Variants in TRIM71 observed in about 807,000 individuals in gnomAD.
TRIM71 encodes the protein E3 ubiquitin-protein ligase TRIM71.
TRIM71 carries 9 observed loss-of-function variants against 61.2 expected under a neutral mutation model. The observed-to-expected ratio is 0.15, with a 90% CI of 0.09 to 0.26. The LOEUF (loss-of-function observed/expected upper bound fraction) is 0.26. TRIM71 is among the 10% of genes least tolerant of loss of function. The pLI, the probability that TRIM71 is intolerant of heterozygous loss-of-function variation, is 1.00. For missense variants in TRIM71, 998 were observed against 1,238.7 expected, an observed-to-expected ratio of 0.81 and a Z score of 2.92; for synonymous variants, 645 against 553.2, an observed-to-expected ratio of 1.17 and a Z score of -2.33.
At chr3:32,831,177 A>AGG (rs1336481109) in intron 1 of TRIM71, among the ~76,000 whole-genome samples, 1 of 152,132 alleles carries the variant, frequency 6.6e-6, no homozygotes, top group East Asian at 1.9e-4. Context: ...TGGAGATGAA[A>AGG]GGGGAAGAGT....
At chr3:32,828,430 G>A (rs13078069) in intron 1 of TRIM71, among the ~76,000 whole-genome samples, 31,659 of 151,512 alleles carry the variant, frequency 0.21, 3,290 homozygotes, top group Middle Eastern at 0.31. Flanking sequence ...AACTCTTTGC[G>A]GTGTTGTAAG....
Position 32,891,784 on chromosome 3 carries a change from T to C in TRIM71, c.2580T>C (p.Phe860=), listed in dbSNP as rs760259970. Residue 860 remains phenylalanine (F), a synonymous_variant, in exon 4 of 4, where the codon TTT becomes TTC. Coordinates refer to ENST00000383763, the MANE Select transcript of TRIM71 (RefSeq NM_001039111.3). This position sits in a 1 kb window ranked among gnomAD's most constrained non-coding sequence, Gnocchi z 8.2. ...ACGGAATGATCGTTGTGGTGGACTT[T>C]GGCAACAATCGAATCCTCGTCTTCT... ...TPDGMIVVVD[F]GNNRILVF 1.1e-5 allele frequency: 17 copies of C among 1,614,072 alleles called. No homozygotes were observed. The highest frequency in any genetic ancestry group is 6.7e-5 in the East Asian group (3 of 44,884).
At chr3:32,889,886 A>ATGTG (rs531388047) in intron 3 of TRIM71, among the ~76,000 whole-genome samples, 26 of 144,770 alleles carry the variant, frequency 1.8e-4, no homozygotes, top group African/African-American at 5.3e-4. Flanking sequence ...GCGTGCGTGT[A>ATGTG]TGTGTGTGTG....
intron 1 of TRIM71, among the ~76,000 whole-genome samples, chr3:32,856,989 C>CT (rs1333938177): frequency 1.3e-5 from 2 of 152,118 alleles, no homozygotes; most frequent in Admixed American, 6.5e-5. Flanking sequence ...TCCAAAATTG[C>CT]TGGAGAAGGA....
At position 32,843,815 on chromosome 3, in the gene TRIM71, A is replaced by G. The variant is rs138382884; in HGVS notation, c.852+24883A>G. ...TTTCCTGTCGTGCTGCTTTCTGGGA[A>G]GGTGCAGAGCCGGCCCAGAAAGCAA... On this transcript the variant is annotated intron_variant, in intron 1 of 3. Coordinates refer to ENST00000383763, the MANE Select transcript of TRIM71 (RefSeq NM_001039111.3). 3.3e-4 allele frequency among the ~76,000 whole-genome samples: 50 copies of G among 152,268 alleles called. 1 individual carries two copies. In the East Asian group the frequency reaches 8.5e-3, roughly 26 times the overall value.
intron 1 of TRIM71, among the ~76,000 whole-genome samples, chr3:32,852,006 CTA>C (rs1340494586): frequency 1.3e-5 from 2 of 152,196 alleles, no homozygotes; most frequent in African/African-American, 4.8e-5. Context: ...TTGGGAACAA[CTA>C]TTCAGGAGAG....
chr3:32,824,268 C>G (rs1696175222), intron 1 of TRIM71, among the ~76,000 whole-genome samples: 1 of 151,954 alleles, frequency 6.6e-6, no homozygotes, highest in South Asian at 2.1e-4. Context: ...ACCTCCACCT[C>G]ACGGGTTCAA....
chr3:32,877,841 A>G (rs767614527), intron 2 of TRIM71, among the ~76,000 whole-genome samples: 6 of 152,128 alleles, frequency 3.9e-5, no homozygotes, highest in Non-Finnish European at 7.4e-5. Flanking sequence ...AACCCTAATC[A>G]GTGACCTTGA....
chr3:32,863,726 G>C (rs562681322), intron 1 of TRIM71, among the ~76,000 whole-genome samples: 1 of 152,110 alleles, frequency 6.6e-6, no homozygotes, highest in South Asian at 2.1e-4. Context: ...CTGTCACCCA[G>C]GCTGGAGTGC....
At chr3:32,857,652 G>A (rs1302640092) in intron 1 of TRIM71, among the ~76,000 whole-genome samples, 3 of 152,142 alleles carry the variant, frequency 2.0e-5, no homozygotes, top group Non-Finnish European at 2.9e-5. Context: ...CTTCAATAAA[G>A]TAAGATAGAA....
chr3:32,825,611 C>A (rs893993528), intron 1 of TRIM71, among the ~76,000 whole-genome samples: 1 of 152,126 alleles, frequency 6.6e-6, no homozygotes, highest in East Asian at 1.9e-4. Context: ...CCCCCTTCTC[C>A]CACTCCCACC....
chr3:32,856,350 G>A (rs1281434902), intron 1 of TRIM71, among the ~76,000 whole-genome samples: 2 of 151,836 alleles, frequency 1.3e-5, no homozygotes, highest in African/African-American at 4.8e-5. Flanking sequence ...AACTTTCACC[G>A]CTCCCCTGCC....
intron 1 of TRIM71, among the ~76,000 whole-genome samples, chr3:32,859,963 A>G (rs1043939408): frequency 6.6e-6 from 1 of 152,082 alleles, no homozygotes; most frequent in Non-Finnish European, 1.5e-5. Flanking sequence ...ATACCACCTA[A>G]GGAATCCAGC....
At chr3:32,841,180 G>A (rs930094426) in intron 1 of TRIM71, among the ~76,000 whole-genome samples, 1 of 152,114 alleles carries the variant, frequency 6.6e-6, no homozygotes, top group Non-Finnish European at 1.5e-5. Flanking sequence ...GGGAGGCGGA[G>A]CTTGCAGTGA....
chr3:32,822,274 T>G (rs1372220258), intron 1 of TRIM71, among the ~76,000 whole-genome samples: 1 of 152,134 alleles, frequency 6.6e-6, no homozygotes, highest in Non-Finnish European at 1.5e-5. Flanking sequence ...TTGTTCCCAG[T>G]TAGGCAGGTC....
intron 1 of TRIM71, among the ~76,000 whole-genome samples, chr3:32,854,371 T>C (rs765927014): frequency 1.1e-4 from 16 of 152,206 alleles, no homozygotes; most frequent in Admixed American, 2.0e-4. Flanking sequence ...ACCTCATTCA[T>C]GGACATATAC....
intron 1 of TRIM71, among the ~76,000 whole-genome samples, chr3:32,858,867 G>A (rs968839196): frequency 6.6e-6 from 1 of 152,154 alleles, no homozygotes; most frequent in Non-Finnish European, 1.5e-5. Context: ...TGAAAACTTC[G>A]ATTATGTAAC....
chr3:32,891,739 C>T lies in TRIM71; in HGVS notation c.2535C>T (p.Ser845=), dbSNP rs1482040694. 10 of 1,614,164 alleles carry T rather than the reference C, an allele frequency of 6.2e-6. No individual in the cohort carries two copies. The highest frequency in any genetic ancestry group is 4.5e-5 in the East Asian group (2 of 44,882). Residue 845 remains serine (S), a synonymous_variant, in exon 4 of 4, where the codon TCC becomes TCT. Transcript: ENST00000383763. The surrounding 1 kb of genome is among the most constrained non-coding windows in gnomAD (Gnocchi z 8.2). ...GCTTTGGGCAGATGGACCGCCCTTCCGGCATCGCCATCACCCCCGACGGAA... is the reference window on the plus strand; with the variant it reads ...GCTTTGGGCAGATGGACCGCCCTTCTGGCATCGCCATCACCCCCGACGGAA... ...GSGFGQMDRP[S]GIAITPDGMI...
At position 32,864,583 on chromosome 3, in the gene TRIM71, C is replaced by T. The variant is rs563756591; in HGVS notation, c.853-9235C>T. On this transcript the variant is annotated intron_variant, in intron 1 of 3. Coordinates refer to ENST00000383763, the MANE Select transcript of TRIM71 (RefSeq NM_001039111.3). ...GAGTGTGGAGGACGTGTTGTTTATTCGAGATCCCCTGCTTTGAAAGGCAGG... is the reference window on the plus strand; with the variant it reads ...GAGTGTGGAGGACGTGTTGTTTATTTGAGATCCCCTGCTTTGAAAGGCAGG... 5.9e-5 allele frequency among the ~76,000 whole-genome samples: 9 copies of T among 152,304 alleles called. No homozygotes were observed. In the East Asian group the frequency reaches 1.2e-3, roughly 20 times the overall value.
Sources: allele counts gnomAD v4.1 joint callset (sites outside exome capture counted in the v4.1 genomes callset), GRCh38; gene constraint gnomAD v4.1.1; non-coding constraint Gnocchi (gnomAD v3.1); transcripts MANE v1.5; gene names NCBI Gene and HGNC (gene_info 2026-07-23, HGNC 2026-07-21).